The following PDZRN3 variants were observed in gnomAD, a reference collection of about 807,000 sequenced individuals.
PDZRN3 encodes PDZ domain containing ring finger 3, also known as E3 ubiquitin-protein ligase PDZRN3.
Under a neutral mutation model 85.7 loss-of-function variants are expected in PDZRN3, and 38 were observed. That is an observed-to-expected ratio of 0.44 (90% CI 0.34 to 0.58). The LOEUF (loss-of-function observed/expected upper bound fraction) is 0.58. Among genes scored for constraint, PDZRN3 ranks in the 20% least tolerant of loss-of-function variants. The pLI is 0.01. For synonymous variants in PDZRN3, 759 were observed against 638.0 expected, an observed-to-expected ratio of 1.19 and a Z score of -2.86; for missense variants, 1,629 against 1,506.4, an observed-to-expected ratio of 1.08 and a Z score of -1.35.
intron 3 of PDZRN3, among the ~76,000 whole-genome samples, chr3:73,415,392 G>A (rs1014078817): frequency 3.3e-5 from 5 of 152,138 alleles, no homozygotes; most frequent in African/African-American, 1.2e-4. Flanking sequence ...CATGGGCAAG[G>A]GCAGGCTATG....
chr3:73,613,744 G>C (rs918885061), intron 1 of PDZRN3, among the ~76,000 whole-genome samples: 2 of 152,092 alleles, frequency 1.3e-5, no homozygotes, highest in Non-Finnish European at 2.9e-5. Context: ...GGGATGCAGG[G>C]TGCAGAAGGG....
At chr3:73,489,525 T>C (rs1703728418) in intron 3 of PDZRN3, among the ~76,000 whole-genome samples, 1 of 149,870 alleles carries the variant, frequency 6.7e-6, no homozygotes, top group Admixed American at 6.7e-5. Context: ...TGCATAAGAC[T>C]AAATACAACA....
intron 3 of PDZRN3, among the ~76,000 whole-genome samples, chr3:73,530,934 T>C (rs944758386): frequency 2.6e-5 from 4 of 152,172 alleles, no homozygotes; most frequent in Non-Finnish European, 5.9e-5. Flanking sequence ...TACTTGACTA[T>C]AATTTCTAAT....
rs1025137799 is a variant in PDZRN3 at position 73,474,311 on chromosome 3, C to T, written c.919-69916G>A. The T allele has an allele frequency of 2.3e-5, 7 of 307,834 alleles. No individual in the cohort carries two copies. In the Admixed American group the frequency reaches 2.9e-4, roughly 13 times the overall value. The allele number at this position is 307,834 out of a possible 1,614,324, so 19.1% of individuals were successfully genotyped here. A position where few individuals can be genotyped will look rare whatever the true frequency, so the allele number is the denominator to read the frequency against. On this transcript the variant is annotated intron_variant, in intron 3 of 9. Transcript: ENST00000263666. Reference sequence around the variant, plus strand: ...CAGTGCTTGGCAGGTGCGCCCTTCTCCTTGCTTTGATCAGCTTAGGAAGTT... The same window carrying T: ...CAGTGCTTGGCAGGTGCGCCCTTCTTCTTGCTTTGATCAGCTTAGGAAGTT...
At chr3:73,493,024 A>G (rs1233948695) in intron 3 of PDZRN3, among the ~76,000 whole-genome samples, 2 of 104,190 alleles carry the variant, frequency 1.9e-5, no homozygotes, top group African/African-American at 3.3e-5. Flanking sequence ...CACTTTGGAG[A>G]CTCTTCCCTT....
At chr3:73,408,007 T>TC (rs1031480396) in intron 3 of PDZRN3, 6 of 609,532 alleles carry the variant, frequency 9.8e-6, no homozygotes, top group Non-Finnish European at 1.8e-5. Flanking sequence ...CACAAGAATG[T>TC]CCCCCCTGCC....
chr3:73,433,954 A>G (rs758356919), intron 3 of PDZRN3: 83 of 1,341,282 alleles, frequency 6.2e-5, no homozygotes, highest in Middle Eastern at 5.6e-4. Context: ...ACACACAGAC[A>G]TACACGCACA....
chr3:73,539,245 G>A (rs945263073), intron 3 of PDZRN3, among the ~76,000 whole-genome samples: 3 of 152,082 alleles, frequency 2.0e-5, no homozygotes, highest in Non-Finnish European at 2.9e-5. Context: ...ACATAGTTTC[G>A]AACCACAAAA....
intron 3 of PDZRN3, among the ~76,000 whole-genome samples, chr3:73,425,600 GA>G (rs61097259): frequency 0.48 from 69,095 of 143,486 alleles, 16,876 homozygotes; most frequent in East Asian, 0.74. Context: ...CAAATAAGAA[GA>G]AAAAAAAAAA....
intron 3 of PDZRN3, among the ~76,000 whole-genome samples, chr3:73,580,421 G>C (rs1016593104): frequency 2.0e-5 from 3 of 152,250 alleles, no homozygotes; most frequent in African/African-American, 7.2e-5. Flanking sequence ...AGCTCTCACA[G>C]CCATGCTGGC....
intron 3 of PDZRN3, among the ~76,000 whole-genome samples, chr3:73,578,158 C>T (rs1702150623): frequency 1.4e-5 from 2 of 143,726 alleles, no homozygotes; most frequent in East Asian, 2.0e-4. Context: ...GGTCTTTGAC[C>T]ATTCTTTTTT....
At chr3:73,427,496 G>T (rs1315329043) in intron 3 of PDZRN3, among the ~76,000 whole-genome samples, 6 of 152,014 alleles carry the variant, frequency 3.9e-5, no homozygotes, top group African/African-American at 7.3e-5. Flanking sequence ...GAACACAAGA[G>T]AACTCATTTA....
At chr3:73,459,006 A>AAT (rs1398877425) in intron 3 of PDZRN3, among the ~76,000 whole-genome samples, 1 of 151,562 alleles carries the variant, frequency 6.6e-6, no homozygotes, top group East Asian at 1.9e-4. Flanking sequence ...AAAAAAAAAA[A>AAT]AAGAAAAAAA....
chr3:73,426,059 T>C (rs747347948), intron 3 of PDZRN3, among the ~76,000 whole-genome samples: 5 of 152,012 alleles, frequency 3.3e-5, no homozygotes, highest in African/African-American at 1.2e-4. Flanking sequence ...TCTTATTTAC[T>C]ACTGGGAAGG....
chr3:73,482,820 A>T (rs1703591384), intron 3 of PDZRN3, among the ~76,000 whole-genome samples: 1 of 152,198 alleles, frequency 6.6e-6, no homozygotes, highest in African/African-American at 2.4e-5. Context: ...GTTTCTGAGG[A>T]CAGGCCACAA....
chr3:73,577,450 C>T (rs1702141432), intron 3 of PDZRN3, among the ~76,000 whole-genome samples: 1 of 152,150 alleles, frequency 6.6e-6, no homozygotes, highest in Admixed American at 6.5e-5. Context: ...ATCTCATTTC[C>T]TCCTCCTGCC....
chr3:73,553,814 T>C (rs969824721), intron 3 of PDZRN3, among the ~76,000 whole-genome samples: 2 of 151,990 alleles, frequency 1.3e-5, no homozygotes, highest in African/African-American at 4.8e-5. Context: ...GGCAAAGTAG[T>C]GGCGGCATCT....
chr3:73,563,168 G>A (rs34719147), intron 3 of PDZRN3, among the ~76,000 whole-genome samples: 48,630 of 148,430 alleles, frequency 0.33, 8,532 homozygotes, highest in East Asian at 0.4. Flanking sequence ...ACAGGTGCCC[G>A]CCACCACGCC....
At chr3:73,490,066 T>C (rs1412341338) in intron 3 of PDZRN3, among the ~76,000 whole-genome samples, 1 of 152,226 alleles carries the variant, frequency 6.6e-6, no homozygotes, top group Non-Finnish European at 1.5e-5. Flanking sequence ...TCTGATGAAC[T>C]GATTTTAATT....
Sources: allele counts gnomAD v4.1 joint callset (sites outside exome capture counted in the v4.1 genomes callset), GRCh38; gene constraint gnomAD v4.1.1; transcripts MANE v1.5; gene names NCBI Gene and HGNC (gene_info 2026-07-23, HGNC 2026-07-21).